The following FGGY variants were observed in gnomAD, a reference collection of about 807,000 sequenced individuals.
FGGY encodes the protein FGGY carbohydrate kinase domain-containing protein.
Under a neutral mutation model 71.3 loss-of-function variants are expected in FGGY, and 72 were observed. That is an observed-to-expected ratio of 1.01 (90% CI 0.84 to 1.23). The LOEUF is 1.23. FGGY is among the 50% of genes most tolerant of loss of function. The probability of loss-of-function intolerance (pLI) is 0.00; values close to 1 mark genes in which losing one functional copy is unlikely to be tolerated. For missense variants in FGGY, 668 were observed against 682.3 expected (o/e 0.98, Z 0.23); for synonymous variants, 251 against 250.3 (o/e 1.00, Z -0.02).
intron 1 of FGGY, among the ~76,000 whole-genome samples, chr1:59,301,538 C>T (rs2042731676): frequency 6.6e-6 from 1 of 152,040 alleles, no homozygotes; most frequent in African/African-American, 2.4e-5. Context: ...GAGATGCATT[C>T]ATTTTTTCAT....
intron 14 of FGGY, among the ~76,000 whole-genome samples, chr1:59,687,091 C>G (rs1184632357): frequency 1.3e-5 from 2 of 152,224 alleles, no homozygotes; most frequent in Non-Finnish European, 2.9e-5. Flanking sequence ...GCTCCTTCCC[C>G]TGCTCTGCTG....
intron 4 of FGGY, among the ~76,000 whole-genome samples, chr1:59,350,870 G>C (rs1487307442): frequency 1.3e-5 from 2 of 152,128 alleles, no homozygotes; most frequent in Non-Finnish European, 2.9e-5. Context: ...TCTCGTCACT[G>C]TTTGTCTTTT....
chr1:59,608,816 G>A (rs751155261), intron 9 of FGGY, among the ~76,000 whole-genome samples: 5 of 152,022 alleles, frequency 3.3e-5, no homozygotes, highest in African/African-American at 7.3e-5. Flanking sequence ...CAGCCTGGGC[G>A]ACAAGAGCGA....
At chr1:59,581,954 G>C (rs1007172209) in intron 8 of FGGY, among the ~76,000 whole-genome samples, 4 of 149,876 alleles carry the variant, frequency 2.7e-5, no homozygotes, top group Non-Finnish European at 5.9e-5. Context: ...TCATCTATTT[G>C]ATAAATTGTC....
rs74086264 is a variant in FGGY, at chr1:59,644,181, A to T, written c.1221+5806A>T. On this transcript the variant is annotated intron_variant, in intron 11 of 15. Coordinates refer to ENST00000303721, the MANE Select transcript of FGGY (RefSeq NM_018291.5). ...TTCCCACCCTAACTGACTCAGATTT[A>T]AAAAAAAATAGCCACTCGTGGTTTG... 5.1e-3 allele frequency among the ~76,000 whole-genome samples: 780 copies of T among 151,494 alleles called. 8 individuals are homozygous for T. Among genetic ancestry groups the T allele is most frequent in the African/African-American group, 0.018 (741 of 41,324 alleles).
At chr1:59,605,229 T>C (rs991924212) in intron 8 of FGGY, among the ~76,000 whole-genome samples, 2 of 152,218 alleles carry the variant, frequency 1.3e-5, no homozygotes, top group African/African-American at 2.4e-5. Flanking sequence ...CTTCTCACAG[T>C]TGGTAATTAC....
intron 14 of FGGY, among the ~76,000 whole-genome samples, chr1:59,706,914 A>G (rs1301804210): frequency 6.6e-6 from 1 of 152,346 alleles, no homozygotes; most frequent in African/African-American, 2.4e-5. Context: ...TGTTACCTGT[A>G]TCTCCTGTCC....
At chr1:59,528,887 CATT>C (rs1224173615) in intron 7 of FGGY, among the ~76,000 whole-genome samples, 1 of 152,222 alleles carries the variant, frequency 6.6e-6, no homozygotes, top group African/African-American at 2.4e-5. Context: ...TGTGGTGTAT[CATT>C]ATAGCTCAGC....
chr1:59,439,166 C>T (rs1027270102), intron 5 of FGGY, among the ~76,000 whole-genome samples: 4 of 152,124 alleles, frequency 2.6e-5, no homozygotes, highest in African/African-American at 9.7e-5. Flanking sequence ...TCTCCTCCAG[C>T]GTACTGAATG....
chr1:59,312,271 T>G (rs1177496106), intron 1 of FGGY, among the ~76,000 whole-genome samples: 1 of 152,210 alleles, frequency 6.6e-6, no homozygotes, highest in Admixed American at 6.5e-5. Context: ...TTCCCATCTG[T>G]CAATTTTGGC....
intron 7 of FGGY, among the ~76,000 whole-genome samples, chr1:59,524,326 C>T (rs2094917024): frequency 6.6e-6 from 1 of 151,932 alleles, no homozygotes. Context: ...TAGGAACAGA[C>T]TGGGTGGCGG....
At position 59,402,590 on chromosome 1, in the gene FGGY, A is replaced by C. The variant is rs1227464016; in HGVS notation, c.554+23753A>C. Among the ~76,000 whole-genome samples, 7 of 152,222 alleles carry C rather than the reference A, an allele frequency of 4.6e-5. No individual in the cohort carries two copies. In the East Asian group the frequency reaches 1.3e-3, roughly 29 times the overall value. ...AGAATTTGAGATACAGCTATATAAA[A>C]GAGTTACTATTTATTGGTACATATT... On this transcript the variant is annotated intron_variant, in intron 5 of 15. Coordinates refer to ENST00000303721, the MANE Select transcript of FGGY (RefSeq NM_018291.5).
chr1:59,590,367 G>T lies in FGGY; in HGVS notation c.904-17436G>T, dbSNP rs180815422. On this transcript the variant is annotated intron_variant, in intron 8 of 15. Coordinates refer to ENST00000303721, the MANE Select transcript of FGGY (RefSeq NM_018291.5). ...TGAATTCTACCAGAGGTACAAGGAG[G>T]AAGTGGTACCATTCCTTCTGAAACT... is the stretch of plus-strand genomic sequence containing the variant. Among the ~76,000 whole-genome samples, 18 of 152,284 alleles carry T rather than the reference G, an allele frequency of 1.2e-4. No individual in the cohort carries two copies. In the East Asian group the frequency reaches 2.5e-3, roughly 21 times the overall value.
chr1:59,557,856 G>T lies in FGGY; in HGVS notation c.903+3629G>T, dbSNP rs2095715764. On this transcript the variant is annotated intron_variant, in intron 8 of 15. Coordinates refer to ENST00000303721, the MANE Select transcript of FGGY (RefSeq NM_018291.5). The stretch of plus-strand genomic sequence containing the variant: ...TGTCAGATGGGGACAGGACCCTGGG[G>T]GGGTCGGGGTAGGGAGAAACACTGA... 2.6e-5 allele frequency among the ~76,000 whole-genome samples: 4 copies of T among 152,188 alleles called. 1 individual carries two copies. The South Asian group carries it at 8.3e-4, about 32-fold the overall frequency.
intron 5 of FGGY, among the ~76,000 whole-genome samples, chr1:59,410,462 T>G (rs753996737): frequency 6.6e-6 from 1 of 152,206 alleles, no homozygotes; most frequent in Admixed American, 6.5e-5. Flanking sequence ...TAAGACCTCT[T>G]ACAATAAAAT....
chr1:59,599,577 C>A (rs572772312), intron 8 of FGGY, among the ~76,000 whole-genome samples: 121 of 151,290 alleles, frequency 8.0e-4, no homozygotes, highest in South Asian at 5.0e-3. Context: ...GCCTGTAATC[C>A]CAGCTACTTG....
At position 59,569,474 on chromosome 1, in the gene FGGY, A is replaced by G. The variant is rs537289500; in HGVS notation, c.903+15247A>G. Among the ~76,000 whole-genome samples, 4 of 152,292 alleles carry G rather than the reference A, an allele frequency of 2.6e-5. 1 individual carries two copies. The South Asian group carries it at 8.3e-4, about 32-fold the overall frequency. The stretch of plus-strand genomic sequence containing the variant: ...ATTATGTTAACATGGTACCAGAAGT[A>G]TATCTTGCTGTCCTCCTCAGAACTG... On this transcript the variant is annotated intron_variant, in intron 8 of 15. Coordinates refer to ENST00000303721, the MANE Select transcript of FGGY (RefSeq NM_018291.5).
At chr1:59,534,723 G>T (rs1238341633) in intron 7 of FGGY, among the ~76,000 whole-genome samples, 5 of 150,504 alleles carry the variant, frequency 3.3e-5, no homozygotes, top group Non-Finnish European at 7.5e-5. Flanking sequence ...TTCATATCCA[G>T]CCAAACTAAG....
At chr1:59,536,533 G>T (rs1296009547) in intron 7 of FGGY, among the ~76,000 whole-genome samples, 1 of 152,136 alleles carries the variant, frequency 6.6e-6, no homozygotes, top group Non-Finnish European at 1.5e-5. Flanking sequence ...CCAAAAAAGA[G>T]AATTTTAGAC....
Sources: allele counts gnomAD v4.1 joint callset (sites outside exome capture counted in the v4.1 genomes callset), GRCh38; gene constraint gnomAD v4.1.1; transcripts MANE v1.5; gene names NCBI Gene and HGNC (gene_info 2026-07-23, HGNC 2026-07-21).